Variants in CNTN4 observed in about 807,000 individuals in gnomAD.
CNTN4 encodes contactin 4, also known as contactin-4.
In CNTN4, 77 loss-of-function variants were observed where a neutral mutation model predicts 122.5. That is an observed-to-expected ratio of 0.63 (90% CI 0.52 to 0.76). The LOEUF is 0.76. CNTN4 is among the 30% of genes least tolerant of loss of function. The pLI is 0.00. For missense variants in CNTN4, 1,256 were observed against 1,259.1 expected (o/e 1.00, Z 0.04); for synonymous variants, 512 against 447.0 (o/e 1.15, Z -1.83).
At chr3:2,811,085 C>T (rs1364785224) in intron 6 of CNTN4, among the ~76,000 whole-genome samples, 1 of 151,460 alleles carries the variant, frequency 6.6e-6, no homozygotes, top group Non-Finnish European at 1.5e-5. Context: ...CTCAAGGGTA[C>T]ATTGACTTAG....
intron 3 of CNTN4, among the ~76,000 whole-genome samples, chr3:2,446,256 G>A (rs974483789): frequency 1.8e-4 from 27 of 152,144 alleles, no homozygotes; most frequent in African/African-American, 6.3e-4. Flanking sequence ...ACCTCTTAGA[G>A]AGAACGTGGG....
In CNTN4 at chr3:2,168,728, G is replaced by A. The variant is rs373427663; in HGVS notation, c.-145+68089G>A. On this transcript the variant is annotated intron_variant, in intron 2 of 24. Coordinates refer to ENST00000418658, the MANE Select transcript of CNTN4 (RefSeq NM_175607.3). Reference sequence around the variant, plus strand: ...CAAAAAAATGAGTTCATAAATGTATGATATTAAATTTAAAGGAGATAGGAC... The same window carrying A: ...CAAAAAAATGAGTTCATAAATGTATAATATTAAATTTAAAGGAGATAGGAC... Among the ~76,000 whole-genome samples the A allele has an allele frequency of 3.9e-5, 6 of 152,024 alleles. No homozygotes were observed. In the East Asian group the frequency reaches 1.2e-3, roughly 29 times the overall value.
intron 2 of CNTN4, among the ~76,000 whole-genome samples, chr3:2,215,534 G>C (rs941681635): frequency 2.0e-5 from 3 of 152,062 alleles, no homozygotes; most frequent in African/African-American, 7.2e-5. Context: ...TACTAGTATT[G>C]CCAAATTGTT....
In CNTN4 at chr3:2,775,715, C is replaced by A. The variant is rs371958294; in HGVS notation, c.358+30018C>A. 4.7e-4 allele frequency among the ~76,000 whole-genome samples: 71 copies of A among 152,268 alleles called. 1 individual carries two copies. The South Asian group carries it at 0.015, about 32-fold the overall frequency. On this transcript the variant is annotated intron_variant, in intron 6 of 24. Coordinates refer to ENST00000418658, the MANE Select transcript of CNTN4 (RefSeq NM_175607.3). The stretch of plus-strand genomic sequence containing the variant: ...AGATGACAGATGTGAGCCACCACAC[C>A]CAGCCCATTTAATTTCTGTAATATA...
chr3:2,616,020 CTTTTTT>C (rs35080057), intron 4 of CNTN4, among the ~76,000 whole-genome samples: 1 of 143,012 alleles, frequency 7.0e-6, no homozygotes, highest in Non-Finnish European at 1.5e-5. Context: ...CTCAGGCTGC[CTTTTTT>C]TTTTTTTTAA....
intron 3 of CNTN4, among the ~76,000 whole-genome samples, chr3:2,566,899 A>G (rs565063809): frequency 1.7e-4 from 26 of 152,290 alleles, no homozygotes; most frequent in Middle Eastern, 3.4e-3. Context: ...ATTCTTAGTA[A>G]TTAGAGATGT....
chr3:2,443,354 T>G (rs2048507199), intron 3 of CNTN4, among the ~76,000 whole-genome samples: 1 of 152,178 alleles, frequency 6.6e-6, no homozygotes, highest in African/African-American at 2.4e-5. Flanking sequence ...TGGTCTCATT[T>G]GTCAGCCAGG....
intron 2 of CNTN4, among the ~76,000 whole-genome samples, chr3:2,191,933 A>C (rs572706363): frequency 6.6e-6 from 1 of 151,442 alleles, no homozygotes; most frequent in Non-Finnish European, 1.5e-5. Context: ...CCTGTGTCCA[A>C]GTGTTCTCAT....
intron 2 of CNTN4, among the ~76,000 whole-genome samples, chr3:2,160,564 A>G (rs2035918687): frequency 6.6e-6 from 1 of 152,202 alleles, no homozygotes. Context: ...ACTGCGTGAC[A>G]TCTAACACCT....
chr3:2,761,170 G>A (rs1295626477), intron 6 of CNTN4, among the ~76,000 whole-genome samples: 3 of 152,074 alleles, frequency 2.0e-5, no homozygotes, highest in Non-Finnish European at 4.4e-5. Flanking sequence ...TTTTAAATGG[G>A]CGGTTTTTCT....
intron 4 of CNTN4, among the ~76,000 whole-genome samples, chr3:2,668,339 AT>A (rs1476212403): frequency 6.6e-6 from 1 of 152,014 alleles, no homozygotes; most frequent in East Asian, 1.9e-4. Context: ...TAGCTATTTT[AT>A]TCTCTTTGAA....
chr3:2,181,108 T>C (rs548037043), intron 2 of CNTN4, among the ~76,000 whole-genome samples: 3 of 152,198 alleles, frequency 2.0e-5, no homozygotes, highest in Admixed American at 2.0e-4. Flanking sequence ...ACTTGCAAAA[T>C]CATTAGTTTT....
chr3:2,808,365 T>C (rs1559526120), intron 6 of CNTN4, among the ~76,000 whole-genome samples: 1 of 152,166 alleles, frequency 6.6e-6, no homozygotes, highest in Non-Finnish European at 1.5e-5. Flanking sequence ...CCTTCTAAGG[T>C]GCCTATTTAT....
At chr3:2,484,920 G>A (rs1460547777) in intron 3 of CNTN4, among the ~76,000 whole-genome samples, 5 of 152,168 alleles carry the variant, frequency 3.3e-5, no homozygotes, top group East Asian at 1.9e-4. Flanking sequence ...CGAGAGGCAC[G>A]GGCGGGAGCC....
chr3:2,230,765 GCT>G (rs2039454228), intron 2 of CNTN4, among the ~76,000 whole-genome samples: 1 of 152,038 alleles, frequency 6.6e-6, no homozygotes. Context: ...CAGATGGATT[GCT>G]TGAGCCCAGG....
intron 7 of CNTN4, among the ~76,000 whole-genome samples, chr3:2,856,210 G>A (rs544565460): frequency 6.6e-6 from 1 of 152,334 alleles, no homozygotes; most frequent in South Asian, 2.1e-4. Flanking sequence ...CAGTCTTCAA[G>A]CCTGGAAGAT....
At position 2,602,079 on chromosome 3, in the gene CNTN4, G is replaced by A. The variant is rs570739889; in HGVS notation, c.55+30521G>A. On this transcript the variant is annotated intron_variant, in intron 4 of 24. Coordinates refer to ENST00000418658, the MANE Select transcript of CNTN4 (RefSeq NM_175607.3). ...GAAAACTCTCAATAAACTAGGTATT[G>A]ATGGAACGTATCTCAAAATAATAAG... 1.4e-4 allele frequency among the ~76,000 whole-genome samples: 22 copies of A among 152,234 alleles called. No individual in the cohort carries two copies. The East Asian group carries it at 4.1e-3, about 28-fold the overall frequency.
intron 3 of CNTN4, among the ~76,000 whole-genome samples, chr3:2,359,571 G>A (rs571214533): frequency 5.9e-5 from 9 of 152,108 alleles, no homozygotes; most frequent in Admixed American, 2.0e-4. Context: ...ACAGAATCTC[G>A]CTCTGTCGCC....
At chr3:3,039,048 A>G in intron 19 of CNTN4, 45 bp downstream of exon 19, 2 of 1,482,976 alleles carry the variant, frequency 1.3e-6, no homozygotes, top group Non-Finnish European at 1.9e-6. Flanking sequence ...CATCGAAGCT[A>G]TTTTATTATT....
Sources: gnomAD v4.1 joint callset for allele counts (sites outside exome capture counted in the v4.1 genomes callset) on GRCh38, gnomAD v4.1.1 for gene constraint, MANE v1.5 for transcripts, NCBI Gene and HGNC (gene_info 2026-07-23, HGNC 2026-07-21) for gene names.